Variants in EYS observed in about 807,000 individuals in gnomAD.
The protein encoded by EYS is EGF-like photoreceptor maintenance factor, also known as protein eyes shut homolog.
EYS carries 250 observed loss-of-function variants against 282.1 expected under a neutral mutation model. That is an observed-to-expected ratio of 0.89 (90% CI 0.80 to 0.98). The LOEUF is 0.98. EYS is among the 50% of genes least tolerant of loss of function. The pLI, the probability that EYS is intolerant of heterozygous loss-of-function variation, is 0.00. For missense variants in EYS, 4,016 were observed against 3,709.0 expected (o/e 1.08, Z -2.15); for synonymous variants, 1,355 against 1,282.9 (o/e 1.06, Z -1.20).
intron 5 of EYS, among the ~76,000 whole-genome samples, chr6:65,463,459 T>C (rs1285613744): frequency 6.6e-6 from 1 of 152,190 alleles, no homozygotes; most frequent in Non-Finnish European, 1.5e-5. Context: ...CTGTTTTCTA[T>C]TTTTATTAAC....
rs1771796898 is a variant in EYS at position 64,727,505 on chromosome 6, C to T, written c.3443+85873G>A. On this transcript the variant is annotated intron_variant, in intron 22 of 42. Transcript: ENST00000503581. ...TATCACCTACCAGTTCCTCAGGGAA[C>T]ACATGTTATTGAAGCTACTTTTTTC... Among the ~76,000 whole-genome samples the T allele has an allele frequency of 5.9e-5, 9 of 152,128 alleles. No homozygotes were observed. In the South Asian group the frequency reaches 1.9e-3, roughly 31 times the overall value.
At position 64,099,811 on chromosome 6, in the gene EYS, G is replaced by C. The variant is rs138091468; in HGVS notation, c.6425-17809C>G. On this transcript the variant is annotated intron_variant, in intron 31 of 42. Coordinates refer to ENST00000503581, the MANE Select transcript of EYS (RefSeq NM_001142800.2). ...GTTAACTACAACCATAAAGGAGCAT[G>C]CTGAGGACAACTGGCACACTAAGAA... Among the ~76,000 whole-genome samples the C allele has an allele frequency of 5.0e-3, 764 of 152,212 alleles. 5 individuals are homozygous for C. The highest frequency in any genetic ancestry group is 0.018 in the African/African-American group (731 of 41,544).
intron 26 of EYS, among the ~76,000 whole-genome samples, chr6:64,561,365 G>T (rs1221969508): frequency 6.6e-6 from 1 of 152,032 alleles, no homozygotes; most frequent in African/African-American, 2.4e-5. Flanking sequence ...AATCCAAATA[G>T]TAAAAGAGAA....
At chr6:64,827,384 T>C (rs1184534492) in intron 19 of EYS, among the ~76,000 whole-genome samples, 1 of 151,886 alleles carries the variant, frequency 6.6e-6, no homozygotes, top group Non-Finnish European at 1.5e-5. Context: ...AATTACTGTC[T>C]TATCTTCCAA....
At chr6:65,299,446 T>C (rs1768755166) in intron 11 of EYS, among the ~76,000 whole-genome samples, 1 of 152,080 alleles carries the variant, frequency 6.6e-6, no homozygotes, top group African/African-American at 2.4e-5. Context: ...TGCTTTCTAA[T>C]GGCCATTGTT....
intron 12 of EYS, among the ~76,000 whole-genome samples, chr6:65,155,738 G>T (rs115799235): frequency 6.6e-6 from 1 of 151,428 alleles, no homozygotes; most frequent in Admixed American, 6.6e-5. Context: ...TATGTAAAAA[G>T]CATTGCAGTG....
At chr6:64,822,109 A>C (rs1764916974) in intron 20 of EYS, among the ~76,000 whole-genome samples, 1 of 152,072 alleles carries the variant, frequency 6.6e-6, no homozygotes, top group Non-Finnish European at 1.5e-5. Context: ...ACGTGGAAGC[A>C]AGCAGCATGA....
chr6:64,744,113 T>C (rs1772473005), intron 22 of EYS, among the ~76,000 whole-genome samples: 1 of 152,144 alleles, frequency 6.6e-6, no homozygotes, highest in Admixed American at 6.5e-5. Context: ...CGAAGAATCT[T>C]ATGTTTCTAA....
At chr6:65,525,614 T>C (rs191595207) in intron 2 of EYS, among the ~76,000 whole-genome samples, 2 of 152,326 alleles carry the variant, frequency 1.3e-5, no homozygotes, top group East Asian at 3.9e-4. Flanking sequence ...GTATTGTTAG[T>C]GGAGATCAGC....
chr6:65,196,916 G>T (rs1198359023), intron 12 of EYS, among the ~76,000 whole-genome samples: 2 of 152,046 alleles, frequency 1.3e-5, no homozygotes, highest in East Asian at 3.9e-4. Context: ...CCAAACTGGA[G>T]TCAACAAGAG....
chr6:64,576,086 T>C (rs752904781), intron 26 of EYS, among the ~76,000 whole-genome samples: 1 of 152,094 alleles, frequency 6.6e-6, no homozygotes, highest in Non-Finnish European at 1.5e-5. Flanking sequence ...GGCACTGAAA[T>C]TGAACAACTG....
chr6:65,077,078 G>A (rs547441624), intron 12 of EYS, among the ~76,000 whole-genome samples: 4 of 151,868 alleles, frequency 2.6e-5, no homozygotes, highest in South Asian at 4.2e-4. Flanking sequence ...CTGTAGTCAC[G>A]TCTACACACA....
At chr6:65,663,411 C>T (rs1016600482) in intron 1 of EYS, among the ~76,000 whole-genome samples, 1 of 151,972 alleles carries the variant, frequency 6.6e-6, no homozygotes, top group African/African-American at 2.4e-5. Flanking sequence ...GCTATAGTCC[C>T]ATTTACAAAA....
At chr6:64,336,285 A>T (rs1409122465) in intron 29 of EYS, among the ~76,000 whole-genome samples, 1 of 152,136 alleles carries the variant, frequency 6.6e-6, no homozygotes, top group African/African-American at 2.4e-5. Context: ...GGTGTAGGAA[A>T]AGGAATTTCA....
chr6:63,902,186 G>A (rs1459182771), intron 35 of EYS, among the ~76,000 whole-genome samples: 1 of 152,022 alleles, frequency 6.6e-6, no homozygotes, highest in Non-Finnish European at 1.5e-5. Context: ...GAGGCACCGT[G>A]CCTAGCCCTT....
rs139886010 is a variant in EYS, at chr6:65,516,654, T to C, written c.-332-20661A>G. On this transcript the variant is annotated intron_variant, in intron 2 of 42. Transcript: ENST00000503581. ...CAGGCCCAATGATAAGTGTTTTGTA[T>C]GTTTTATTCTTTTAATCTACAGTCT... 7.9e-5 allele frequency among the ~76,000 whole-genome samples: 12 copies of C among 152,212 alleles called. No homozygotes were observed. In the East Asian group the frequency reaches 1.7e-3, roughly 22 times the overall value.
intron 2 of EYS, among the ~76,000 whole-genome samples, chr6:65,622,857 G>A (rs182281667): frequency 7.9e-5 from 12 of 151,344 alleles, no homozygotes; most frequent in African/African-American, 2.2e-4. Flanking sequence ...TCTCGGGTCC[G>A]GTGGTCCTCC....
At chr6:63,838,460 C>G (rs1386630581) in intron 36 of EYS, among the ~76,000 whole-genome samples, 1 of 152,136 alleles carries the variant, frequency 6.6e-6, no homozygotes, top group Middle Eastern at 3.2e-3. Context: ...AAGGGCTTCT[C>G]CAGAGACAGT....
At chr6:65,617,874 A>C (rs949467656) in intron 2 of EYS, among the ~76,000 whole-genome samples, 3 of 152,060 alleles carry the variant, frequency 2.0e-5, no homozygotes, top group Non-Finnish European at 4.4e-5. Context: ...CCTACAAAGG[A>C]CATGAACTCA....
Sources: gnomAD v4.1 joint callset for allele counts (sites outside exome capture counted in the v4.1 genomes callset) on GRCh38, gnomAD v4.1.1 for gene constraint, MANE v1.5 for transcripts, NCBI Gene and HGNC (gene_info 2026-07-23, HGNC 2026-07-21) for gene names.